The following FARSB variants were observed in gnomAD, a reference collection of about 807,000 sequenced individuals.
FARSB encodes phenylalanine--tRNA ligase beta subunit.
FARSB carries 40 observed loss-of-function variants against 69.6 expected under a neutral mutation model. That is an observed-to-expected ratio of 0.57 (90% CI 0.45 to 0.75). The LOEUF is 0.75. Among genes scored for constraint, FARSB ranks in the 30% least tolerant of loss-of-function variants. The probability of loss-of-function intolerance (pLI) is 0.00; values close to 1 mark genes in which losing one functional copy is unlikely to be tolerated. For synonymous variants in FARSB, 235 were observed against 247.2 expected, an observed-to-expected ratio of 0.95 and a Z score of 0.46; for missense variants, 632 against 722.9, an observed-to-expected ratio of 0.87 and a Z score of 1.44.
At chr2:222,628,307 G>A (rs1483689462) in intron 10 of FARSB, among the ~76,000 whole-genome samples, 1 of 152,120 alleles carries the variant, frequency 6.6e-6, no homozygotes, top group Admixed American at 6.5e-5. Context: ...GACTACGAAT[G>A]TTCCCAACAC....
intron 1 of FARSB, among the ~76,000 whole-genome samples, chr2:222,653,952 T>C (rs1692105053): frequency 6.6e-6 from 1 of 151,960 alleles, no homozygotes. Flanking sequence ...CAAACACATA[T>C]TTGTGAAAAA....
chr2:222,637,119 G>A (rs1321649637), intron 5 of FARSB, among the ~76,000 whole-genome samples: 1 of 152,100 alleles, frequency 6.6e-6, no homozygotes, highest in Non-Finnish European at 1.5e-5. Context: ...GACTCACTAG[G>A]CACTTCAAGC....
In FARSB at chr2:222,578,076, G is replaced by C. The variant is rs867458277; in HGVS notation, c.1619-6054C>G. Among the ~76,000 whole-genome samples, 14 of 152,254 alleles carry C rather than the reference G, an allele frequency of 9.2e-5. 1 individual carries two copies. The South Asian group carries it at 1.9e-3, about 20-fold the overall frequency. Reference sequence around the variant, plus strand: ...AGGTTAAAAAGTACCCTCACTGTCAGTCTGTTTTGAAAACTTCTGTTCTTA... The same window carrying C: ...AGGTTAAAAAGTACCCTCACTGTCACTCTGTTTTGAAAACTTCTGTTCTTA... On this transcript the variant is annotated intron_variant, in intron 16 of 16. Coordinates refer to ENST00000281828, the MANE Select transcript of FARSB (RefSeq NM_005687.5).
Position 222,604,348 on chromosome 2 carries a change from C to CAGTG in FARSB, c.1463-4269_1463-4266dup, listed in dbSNP as rs1553550079. ...ACTGAAATAAATTATTTTTAAGAGT[C>CAGTG]AGTGAAGTTTCTAGCCATGAAAGTA... On this transcript the variant is annotated intron_variant, in intron 15 of 16. Transcript: ENST00000281828. 8.0e-3 allele frequency among the ~76,000 whole-genome samples: 1,209 copies of CAGTG among 152,020 alleles called. 15 individuals are homozygous for CAGTG. Among genetic ancestry groups the CAGTG allele is most frequent in the African/African-American group, 0.028 (1,163 of 41,456 alleles).
intron 14 of FARSB, among the ~76,000 whole-genome samples, chr2:222,618,618 G>A (rs1311535870): frequency 1.3e-5 from 2 of 152,138 alleles, no homozygotes; most frequent in Non-Finnish European, 2.9e-5. Flanking sequence ...TCCCTTTATA[G>A]TTAATATCCT....
At chr2:222,636,785 C>T (rs139014668) in intron 5 of FARSB, among the ~76,000 whole-genome samples, 3 of 152,248 alleles carry the variant, frequency 2.0e-5, no homozygotes, top group African/African-American at 7.2e-5. Flanking sequence ...AGAACAAAAA[C>T]CACTCTTCAG....
intron 13 of FARSB, among the ~76,000 whole-genome samples, chr2:222,622,063 C>A (rs1691150755): frequency 1.3e-5 from 2 of 152,164 alleles, no homozygotes; most frequent in South Asian, 4.1e-4. Flanking sequence ...ATCCCTGATC[C>A]ACAGCCATGG....
chr2:222,605,125 A>G (rs530966024), intron 15 of FARSB, among the ~76,000 whole-genome samples: 124 of 147,376 alleles, frequency 8.4e-4, no homozygotes, highest in African/African-American at 3.0e-3. Context: ...CATAAACTAA[A>G]TTGAAGAGCC....
chr2:222,580,038 T>C (rs886879172), intron 16 of FARSB, among the ~76,000 whole-genome samples: 4 of 152,168 alleles, frequency 2.6e-5, no homozygotes, highest in African/African-American at 9.7e-5. Context: ...TTAAATGGAC[T>C]CTATCACAGT....
chr2:222,597,228 T>C (rs899609976), intron 16 of FARSB, among the ~76,000 whole-genome samples: 2 of 152,228 alleles, frequency 1.3e-5, no homozygotes, highest in African/African-American at 4.8e-5. Context: ...TTCATGTTCA[T>C]AAATCTTGGA....
intron 14 of FARSB, among the ~76,000 whole-genome samples, chr2:222,618,767 T>C (rs1691061152): frequency 6.6e-6 from 1 of 152,146 alleles, no homozygotes; most frequent in African/African-American, 2.4e-5. Flanking sequence ...CAAGAACTGA[T>C]ATAATGGGCA....
At chr2:222,573,446 T>G (rs1689762371) in intron 16 of FARSB, among the ~76,000 whole-genome samples, 1 of 152,108 alleles carries the variant, frequency 6.6e-6, no homozygotes, top group African/African-American at 2.4e-5. Flanking sequence ...AATAAAACAA[T>G]GCAGAAACCA....
chr2:222,592,709 G>A (rs909102921), intron 16 of FARSB, among the ~76,000 whole-genome samples: 2 of 150,474 alleles, frequency 1.3e-5, no homozygotes, highest in Non-Finnish European at 1.5e-5. Flanking sequence ...AGAGGACCAT[G>A]AGGTAAATGA....
intron 16 of FARSB, among the ~76,000 whole-genome samples, chr2:222,593,549 T>A (rs137944111): frequency 2.3e-4 from 35 of 152,260 alleles, no homozygotes; most frequent in African/African-American, 7.5e-4. Context: ...TACTATTTAA[T>A]TCAAAAGGTT....
At chr2:222,604,853 A>G (rs1180455503) in intron 15 of FARSB, among the ~76,000 whole-genome samples, 1 of 151,256 alleles carries the variant, frequency 6.6e-6, no homozygotes, top group Non-Finnish European at 1.5e-5. Flanking sequence ...GGCTACAGGC[A>G]TGAGCCACCA....
chr2:222,645,466 G>T lies in FARSB; in HGVS notation c.115-2461C>A, dbSNP rs189393315. The stretch of plus-strand genomic sequence containing the variant: ...ATTAGTAAGGCAGCAGGAAAAATAA[G>T]GTAAGATAATGTACAATTTTTTAGC... On this transcript the variant is annotated intron_variant, in intron 2 of 16. Coordinates refer to ENST00000281828, the MANE Select transcript of FARSB (RefSeq NM_005687.5). Among the ~76,000 whole-genome samples, 163 of 152,194 alleles carry T rather than the reference G, an allele frequency of 1.1e-3. 1 individual carries two copies. In the Middle Eastern group the frequency reaches 0.014, roughly 13 times the overall value.
rs892642395 is a variant in FARSB at position 222,624,606 on chromosome 2, T to C, written c.962+108A>G. On this transcript the variant is annotated intron_variant, in intron 11 of 16. Coordinates refer to ENST00000281828, the MANE Select transcript of FARSB (RefSeq NM_005687.5). ...TTTGAGTTCTATCAGAAACCAGATA[T>C]CTTAACTGATGTTTTATCATTCCTT... is the stretch of plus-strand genomic sequence containing the variant. 3.2e-6 allele frequency: 3 copies of C among 923,744 alleles called. No homozygotes were observed. The African/African-American group carries it at 5.0e-5, about 15-fold the overall frequency. 57.2% of individuals were successfully genotyped at this position (923,744 alleles called of 1,614,324 possible).
At chr2:222,597,462 AC>A (rs2106195230) in intron 16 of FARSB, among the ~76,000 whole-genome samples, 1 of 152,258 alleles carries the variant, frequency 6.6e-6, no homozygotes, top group South Asian at 2.1e-4. Flanking sequence ...AAAATTCTAA[AC>A]AAAAACAGCA....
chr2:222,613,768 T>G (rs750199607), intron 15 of FARSB, 43 bp downstream of exon 15: 1 of 1,234,070 alleles, frequency 8.1e-7, no homozygotes, highest in Non-Finnish European at 1.2e-6. Flanking sequence ...ATGAAAAAAA[T>G]GTTTTAAATA....
Sources: gnomAD v4.1 joint callset for allele counts (sites outside exome capture counted in the v4.1 genomes callset) on GRCh38, gnomAD v4.1.1 for gene constraint, MANE v1.5 for transcripts, NCBI Gene and HGNC (gene_info 2026-07-23, HGNC 2026-07-21) for gene names.